The following FAM184B variants were observed in gnomAD, a reference collection of about 807,000 sequenced individuals.
FAM184B encodes the protein protein FAM184B.
Under a neutral mutation model 135.9 loss-of-function variants are expected in FAM184B, and 111 were observed. The ratio of observed to expected loss-of-function variants is 0.82; its 90% CI spans 0.70 to 0.96. The LOEUF is 0.96. FAM184B is among the 40% of genes least tolerant of loss of function. The pLI is 0.00. For synonymous variants in FAM184B, 552 were observed against 524.8 expected (o/e 1.05, Z -0.71); for missense variants, 1,375 against 1,323.9 (o/e 1.04, Z -0.60).
At chr4:17,739,555 G>GTTTTTGTTTTTTTTTTT (rs1553841421) in intron 1 of FAM184B, among the ~76,000 whole-genome samples, 1 of 62,510 alleles carries the variant, frequency 1.6e-5, no homozygotes, top group African/African-American at 6.2e-5. Context: ...CATACCAACT[G>GTTTTTGTTTTTTTTTTT]TTTTTTTTTT....
intron 1 of FAM184B, among the ~76,000 whole-genome samples, chr4:17,754,253 A>C (rs1408383708): frequency 6.6e-6 from 1 of 152,036 alleles, no homozygotes; most frequent in Non-Finnish European, 1.5e-5. Flanking sequence ...GAAAAAACTT[A>C]AGAAGAAGAG....
At position 17,642,151 on chromosome 4, in the gene FAM184B, C is replaced by T. The variant is rs1474754241; in HGVS notation, c.2424G>A (p.Trp808Ter). The T allele has an allele frequency of 1.3e-6, 2 of 1,533,702 alleles. No individual in the cohort carries two copies. The highest frequency in any genetic ancestry group is 1.7e-6 in the Non-Finnish European group (2 of 1,145,586). ...CGTCCTGGAGCTGCGCGTTCTCCTC[C>T]CAGAGCCCGCATCCCTCGCCGGAAC... is the stretch of plus-strand genomic sequence containing the variant. ...GQGSGEGCGL[W>*]EENAQLQDAV... is the part of the protein sequence containing the mutation. The change falls in exon 13 of 18, where the codon TGG becomes TGA. Residue 808 changes from tryptophan (W) to a stop codon, truncating the protein, a stop_gained. Transcript: ENST00000265018. LOFTEE classifies it high-confidence loss of function.
At chr4:17,780,017 C>CT (rs1256878911) in intron 1 of FAM184B, among the ~76,000 whole-genome samples, 1 of 152,166 alleles carries the variant, frequency 6.6e-6, no homozygotes, top group Non-Finnish European at 1.5e-5. Context: ...TCTCCAGTCT[C>CT]TTTTTTCATT....
Position 17,658,342 on chromosome 4 carries a change from T to G in FAM184B, c.2037+8A>C. 1.9e-6 allele frequency: 3 copies of G among 1,551,374 alleles called. No individual in the cohort carries two copies. Among genetic ancestry groups the G allele is most frequent in the Non-Finnish European group, 2.6e-6 (3 of 1,146,810 alleles). Reference sequence around the variant, plus strand: ...GGCACAGAGTAGACGGCACAGTCATTCCCTCACCTTGAGTTCCTGATGTCT... The same window carrying G: ...GGCACAGAGTAGACGGCACAGTCATGCCCTCACCTTGAGTTCCTGATGTCT... On this transcript the variant is annotated splice_region_variant and intron_variant, in intron 10 of 17. Transcript: ENST00000265018.
intron 10 of FAM184B, among the ~76,000 whole-genome samples, chr4:17,656,681 C>T (rs771727275): frequency 9.6e-4 from 146 of 152,134 alleles, no homozygotes; most frequent in Admixed American, 2.0e-4. Flanking sequence ...GCATTACAGG[C>T]GTGAGCCACA....
rs556543689 is a variant in FAM184B at position 17,746,667 on chromosome 4, G to A, written c.141+34492C>T. Among the ~76,000 whole-genome samples, 3 of 151,482 alleles carry A rather than the reference G, an allele frequency of 2.0e-5. No homozygotes were observed. The East Asian group carries it at 5.9e-4, about 30-fold the overall frequency. ...GAATGGTGTGGACTCGGGAGGTGGA[G>A]CTTGCAGTGAGCTGAGATCGTGCCA... On this transcript the variant is annotated intron_variant, in intron 1 of 17. Coordinates refer to ENST00000265018, the MANE Select transcript of FAM184B (RefSeq NM_015688.2).
At chr4:17,648,793 C>T (rs1361672881) in intron 11 of FAM184B, among the ~76,000 whole-genome samples, 4 of 152,138 alleles carry the variant, frequency 2.6e-5, no homozygotes, top group Non-Finnish European at 5.9e-5. Flanking sequence ...GAGATGTGTA[C>T]GTTCTCTTAA....
chr4:17,722,073 C>T (rs1184071965), intron 1 of FAM184B, among the ~76,000 whole-genome samples: 1 of 152,144 alleles, frequency 6.6e-6, no homozygotes, highest in East Asian at 1.9e-4. Context: ...GGAGGAGTGG[C>T]AGGGCCAGTG....
intron 1 of FAM184B, among the ~76,000 whole-genome samples, chr4:17,775,226 C>T (rs971023482): frequency 5.3e-5 from 8 of 150,956 alleles, no homozygotes; most frequent in African/African-American, 2.0e-4. Flanking sequence ...TGCTCTGTTG[C>T]CCAGGCTGGA....
At chr4:17,721,159 G>A (rs1037104046) in intron 1 of FAM184B, among the ~76,000 whole-genome samples, 11 of 150,874 alleles carry the variant, frequency 7.3e-5, no homozygotes, top group Non-Finnish European at 1.3e-4. Context: ...CCGAGAAGGC[G>A]GATCATGAGG....
chr4:17,759,117 C>T (rs1718486002), intron 1 of FAM184B, among the ~76,000 whole-genome samples: 1 of 152,134 alleles, frequency 6.6e-6, no homozygotes, highest in Non-Finnish European at 1.5e-5. Context: ...GAGTTAGAAG[C>T]CCAGTGCCAT....
intron 7 of FAM184B, among the ~76,000 whole-genome samples, chr4:17,679,831 A>T: frequency 6.6e-6 from 1 of 152,234 alleles, no homozygotes. Context: ...CATACCATGG[A>T]ATACTACTCA....
chr4:17,647,217 G>A (rs1235747281), intron 12 of FAM184B, among the ~76,000 whole-genome samples: 1 of 151,694 alleles, frequency 6.6e-6, no homozygotes, highest in African/African-American at 2.4e-5. Context: ...TTCGGGCAGG[G>A]GGGAGGGGAA....
At chr4:17,654,479 C>T (rs1223668164) in intron 10 of FAM184B, among the ~76,000 whole-genome samples, 1 of 152,136 alleles carries the variant, frequency 6.6e-6, no homozygotes, top group African/African-American at 2.4e-5. Flanking sequence ...CACCACGCCC[C>T]AGCACCCGCC....
intron 5 of FAM184B, among the ~76,000 whole-genome samples, chr4:17,696,568 T>C (rs1716862598): frequency 6.6e-6 from 1 of 152,056 alleles, no homozygotes; most frequent in African/African-American, 2.4e-5. Context: ...TCCCAACACT[T>C]TGGGAGAATG....
rs28550598 is a variant in FAM184B, at chr4:17,741,758, G to A, written c.142-32114C>T. On this transcript the variant is annotated intron_variant, in intron 1 of 17. Coordinates refer to ENST00000265018, the MANE Select transcript of FAM184B (RefSeq NM_015688.2). The stretch of plus-strand genomic sequence containing the variant: ...TATGGACTGACATGGACATAAACCC[G>A]GAGGACACTCTCCTGGGTTAAATAG... 8.1e-3 allele frequency among the ~76,000 whole-genome samples: 1,236 copies of A among 152,212 alleles called. 15 individuals are homozygous for A. The highest frequency in any genetic ancestry group is 0.028 in the African/African-American group (1,170 of 41,514).
chr4:17,642,301 G>C, intron 12 of FAM184B, 73 bp from the exon 13 acceptor site: 1 of 1,390,784 alleles, frequency 7.2e-7, no homozygotes, highest in East Asian at 3.0e-5. Flanking sequence ...CCAGAGATGT[G>C]CTGCGGCGAG....
chr4:17,641,968 C>G (rs1264810652), intron 13 of FAM184B, 88 bp downstream of exon 13: 2 of 1,441,926 alleles, frequency 1.4e-6, no homozygotes, highest in Middle Eastern at 2.5e-4. Context: ...TTTCAGGTCT[C>G]AGGCTCAGCC....
At chr4:17,706,324 C>T (rs1270317292) in intron 3 of FAM184B, among the ~76,000 whole-genome samples, 1 of 152,200 alleles carries the variant, frequency 6.6e-6, no homozygotes, top group East Asian at 1.9e-4. Context: ...CAACACCTTT[C>T]TGGTTCCTGC....
Sources: allele counts gnomAD v4.1 joint callset (sites outside exome capture counted in the v4.1 genomes callset), GRCh38; gene constraint gnomAD v4.1.1; transcripts MANE v1.5; gene names NCBI Gene and HGNC (gene_info 2026-07-23, HGNC 2026-07-21).